The following RBM10 variants were observed in gnomAD, a reference collection of about 807,000 sequenced individuals.
RBM10 encodes the protein RNA-binding protein 10.
Under a neutral mutation model 84.9 loss-of-function variants are expected in RBM10, and 1 was observed. The observed-to-expected ratio is 0.01, with a 90% CI of 0.00 to 0.06. The LOEUF is 0.06. RBM10 is among the 10% of genes least tolerant of loss of function. The pLI is 1.00. For synonymous variants in RBM10, 326 were observed against 344.5 expected (o/e 0.95, Z 0.60); for missense variants, 438 against 839.0 (o/e 0.52, Z 5.90).
At chrX:47,155,146 CA>C (rs782034292) in intron 2 of RBM10, among the ~76,000 whole-genome samples, 531 of 27,350 alleles carry the variant, frequency 0.019, 1 homozygote, top group African/African-American at 0.052. Flanking sequence ...GACTCCCTCT[CA>C]AAAAAAAAAA....
At chrX:47,168,145 G>T (rs1464692875) in intron 2 of RBM10, among the ~76,000 whole-genome samples, 5 of 111,754 alleles carry the variant, frequency 4.5e-5, no homozygotes, top group African/African-American at 1.6e-4. Flanking sequence ...GTCATTATTT[G>T]TTCAAAATAA....
At chrX:47,166,339 AG>A (rs1243749383) in intron 2 of RBM10, among the ~76,000 whole-genome samples, 2 of 111,516 alleles carry the variant, frequency 1.8e-5, no homozygotes, top group African/African-American at 3.3e-5. Flanking sequence ...CAGGAGGTGG[AG>A]GCTACAGTAA....
At chrX:47,155,475 G>A (rs1933023023) in intron 2 of RBM10, among the ~76,000 whole-genome samples, 1 of 110,236 alleles carries the variant, frequency 9.1e-6, no homozygotes, top group Non-Finnish European at 1.9e-5. Context: ...GCTCATGCCT[G>A]TAATCCCAGC....
At chrX:47,181,676 G>A (rs1569195754) in intron 14 of RBM10, 30 bp downstream of exon 14, 2 of 1,208,043 alleles carry the variant, frequency 1.7e-6, no homozygotes, top group South Asian at 1.8e-5. Context: ...ATGTATCCCG[G>A]GGAGGCAGGC....
intron 5 of RBM10, among the ~76,000 whole-genome samples, chrX:47,174,359 A>G (rs1934951451): frequency 9.0e-6 from 1 of 111,380 alleles, no homozygotes; most frequent in African/African-American, 3.3e-5. Flanking sequence ...TTGTGGCTGT[A>G]GTCTCCACCC....
intron 4 of RBM10, among the ~76,000 whole-genome samples, chrX:47,171,979 G>A (rs1411399861): frequency 8.9e-6 from 1 of 112,154 alleles, no homozygotes; most frequent in East Asian, 2.8e-4. Context: ...AATCCCACTT[G>A]TGTATTTGAG....
At chrX:47,156,848 C>T (rs1225338477) in intron 2 of RBM10, 3 of 189,888 alleles carry the variant, frequency 1.6e-5, no homozygotes, top group South Asian at 7.0e-5. Context: ...GGCTGCTCGC[C>T]GGCTTGGCCA....
intron 5 of RBM10, among the ~76,000 whole-genome samples, chrX:47,173,464 T>G (rs1556774553): frequency 8.9e-6 from 1 of 112,300 alleles, no homozygotes; most frequent in African/African-American, 3.2e-5. Flanking sequence ...AGGGCCAGGC[T>G]CCCAGGCACC....
intron 2 of RBM10, among the ~76,000 whole-genome samples, chrX:47,164,252 A>G (rs1174141633): frequency 1.8e-5 from 2 of 111,683 alleles, no homozygotes; most frequent in African/African-American, 3.3e-5. Context: ...TGTAAATAAT[A>G]TATCTGGTAA....
chrX:47,147,305 G>C (rs948194833), intron 1 of RBM10, 52 bp from the exon 2 acceptor site: 8 of 1,107,162 alleles, frequency 7.2e-6, no homozygotes, highest in Non-Finnish European at 9.7e-6. Context: ...TCTCAAGGAG[G>C]CCCTCTCAGT....
rs782425783 is a variant in RBM10 at position 47,181,770 on chromosome X, G to A, written c.1597G>A (p.Ala533Thr). The A allele has an allele frequency of 1.2e-5, 14 of 1,211,048 alleles. No individual in the cohort carries two copies. Among genetic ancestry groups the A allele is most frequent in the South Asian group, 1.8e-5 (1 of 56,926 alleles). ...NSQSYTIMSP[A>T]VLKSELQSPT... is the part of the protein sequence containing the mutation. Reference sequence around the variant, plus strand: ...CCAGTCGTATACCATCATGTCACCCGCTGTGCTCAAATCTGAGCTCCAGAG... The same window carrying A: ...CCAGTCGTATACCATCATGTCACCCACTGTGCTCAAATCTGAGCTCCAGAG... Residue 533 changes from alanine to threonine, a missense_variant, in exon 15 of 24, where the codon GCT becomes ACT. Physicochemically the swap from Ala to Thr is moderately conservative, Grantham distance 58 (BLOSUM62 0). Coordinates refer to ENST00000377604, the MANE Select transcript of RBM10 (RefSeq NM_005676.5).
intron 2 of RBM10, among the ~76,000 whole-genome samples, chrX:47,165,585 G>A (rs1394227889): frequency 9.1e-6 from 1 of 109,827 alleles, no homozygotes; most frequent in Non-Finnish European, 1.9e-5. Flanking sequence ...TTGGGAGGCT[G>A]AGGCAGGCGG....
In RBM10 at chrX:47,181,674, C is replaced by T. The variant is rs782395457; in HGVS notation, c.1575+28C>T. ...GAGTGAGCCCTGTGGGTATGTATCCCGGGGAGGCAGGCAGGCGGCAGGGGT... is the reference window on the plus strand; with the variant it reads ...GAGTGAGCCCTGTGGGTATGTATCCTGGGGAGGCAGGCAGGCGGCAGGGGT... On this transcript the variant is annotated intron_variant, in intron 14 of 23. Transcript: ENST00000377604. 3.2e-5 allele frequency: 38 copies of T among 1,205,409 alleles called. 1 individual carries two copies. Among genetic ancestry groups the T allele is most frequent in the Admixed American group, 1.3e-4 (6 of 45,578 alleles).
At chrX:47,159,792 A>C (rs1369823916) in intron 2 of RBM10, among the ~76,000 whole-genome samples, 1 of 111,497 alleles carries the variant, frequency 9.0e-6, no homozygotes, top group African/African-American at 3.3e-5. Flanking sequence ...ATGAAACCGG[A>C]CCCTTACCTC....
At chrX:47,157,285 C>T (rs1933238251) in intron 2 of RBM10, 4 of 327,075 alleles carry the variant, frequency 1.2e-5, no homozygotes, top group Non-Finnish European at 1.8e-5. Context: ...GACTTGCTGA[C>T]CACGAACACC....
In RBM10 at chrX:47,186,682, GC is replaced by G. The variant is rs1935942624; in HGVS notation, c.*85del. The G allele has an allele frequency of 8.8e-7, 1 of 1,139,784 alleles. No homozygotes were observed. Among genetic ancestry groups the G allele is most frequent in the African/African-American group, 1.8e-5 (1 of 56,613 alleles). 93.9% of individuals were successfully genotyped at this position (1,139,784 alleles called of 1,213,427 possible). A position where few individuals can be genotyped will look rare whatever the true frequency, so the allele number is the denominator to read the frequency against. On this transcript the variant is annotated 3_prime_UTR_variant, in exon 24 of 24. Transcript: ENST00000377604. ...CAGAGTGTTGGATGGCTGGGACGGG[GC>G]CTTGCTCTTGTCGGCCAGCCCACTC...
intron 1 of RBM10, 125 bp from the exon 2 acceptor site, chrX:47,147,232 C>A: frequency 1.4e-6 from 1 of 709,131 alleles, no homozygotes; most frequent in Non-Finnish European, 2.1e-6. Flanking sequence ...CACAGGAGTG[C>A]TGGGAGCTGG....
chrX:47,166,002 A>T (rs1934168966), intron 2 of RBM10, among the ~76,000 whole-genome samples: 1 of 111,143 alleles, frequency 9.0e-6, no homozygotes, highest in South Asian at 3.8e-4. Flanking sequence ...CCTGGGTGAC[A>T]GAGCGAGACT....
chrX:47,157,574 G>A, intron 2 of RBM10: 1 of 452,484 alleles, frequency 2.2e-6, no homozygotes, highest in Non-Finnish European at 4.1e-6. Context: ...AGGACTTGGA[G>A]CGGTCGAGCA....
Sources: allele counts gnomAD v4.1 joint callset (sites outside exome capture counted in the v4.1 genomes callset), GRCh38; gene constraint gnomAD v4.1.1; transcripts MANE v1.5; gene names NCBI Gene and HGNC (gene_info 2026-07-23, HGNC 2026-07-21).